Variants in CALN1 observed in about 807,000 individuals in gnomAD.
CALN1 encodes the protein calneuron 1, also known as calcium-binding protein 8.
Under a neutral mutation model 30.6 loss-of-function variants are expected in CALN1, and 17 were observed. That is an observed-to-expected ratio of 0.56 (90% CI 0.38 to 0.83). CALN1 has a LOEUF of 0.83. Among genes scored for constraint, CALN1 ranks in the 40% least tolerant of loss-of-function variants. CALN1 has a pLI of 0.00. For missense variants in CALN1, 291 were observed against 354.9 expected (o/e 0.82, Z 1.45); for synonymous variants, 156 against 131.4 (o/e 1.19, Z -1.28).
At chr7:71,843,798 C>T (rs190868236) in intron 5 of CALN1, among the ~76,000 whole-genome samples, 67 of 152,280 alleles carry the variant, frequency 4.4e-4, no homozygotes, top group Admixed American at 2.0e-3. Context: ...ATGCCAGCAG[C>T]CACAAGCCCT....
chr7:72,121,744 T>C (rs1808405787), intron 3 of CALN1, among the ~76,000 whole-genome samples: 1 of 148,626 alleles, frequency 6.7e-6, no homozygotes, highest in South Asian at 2.1e-4. Flanking sequence ...ATGTTTTGAT[T>C]ACTATAAAGG....
chr7:72,083,686 C>T (rs11772542), intron 4 of CALN1, among the ~76,000 whole-genome samples: 33,874 of 152,002 alleles, frequency 0.22, 3,901 homozygotes, highest in Admixed American at 0.28. Context: ...TTTGGGAGGC[C>T]GAGGCAGGCA....
At chr7:72,093,405 A>G (rs906375336) in intron 4 of CALN1, among the ~76,000 whole-genome samples, 2 of 152,206 alleles carry the variant, frequency 1.3e-5, no homozygotes, top group African/African-American at 4.8e-5. Context: ...GGGAGAAAAC[A>G]AACTTCCCAA....
rs776937897 is a variant in CALN1 at position 71,857,016 on chromosome 7, A to ATGTGTGTATG, written c.502-46525_502-46524insCATACACACA. ...AGACAACCTCATGGTGTGTATATGTATGTGTGTGTGTGTGTGTGTGTGTGT... is the reference window on the plus strand; with the variant it reads ...AGACAACCTCATGGTGTGTATATGTATGTGTGTATGTGTGTGTGTGTGTGTGTGTGTGTGT... On this transcript the variant is annotated intron_variant, in intron 5 of 6. Coordinates refer to ENST00000395275, the MANE Select transcript of CALN1 (RefSeq NM_031468.4). 1.7e-3 allele frequency among the ~76,000 whole-genome samples: 242 copies of ATGTGTGTATG among 142,318 alleles called. 1 individual carries two copies. Among genetic ancestry groups the ATGTGTGTATG allele is most frequent in the Middle Eastern group, 3.6e-3 (1 of 278 alleles). 93.4% of individuals were successfully genotyped at this position (142,318 alleles called of 152,430 possible).
intron 4 of CALN1, among the ~76,000 whole-genome samples, chr7:72,091,130 G>C (rs1019419501): frequency 4.6e-5 from 7 of 152,028 alleles, no homozygotes; most frequent in Non-Finnish European, 1.5e-5. Flanking sequence ...GGAATTTGAG[G>C]CCAGACTGGC....
chr7:72,404,818 G>A (rs1456052119), intron 1 of CALN1, among the ~76,000 whole-genome samples: 1 of 152,194 alleles, frequency 6.6e-6, no homozygotes, highest in Non-Finnish European at 1.5e-5. Context: ...GGACATTATT[G>A]TTGCAGGTTG....
At position 72,441,326 on chromosome 7, in the gene CALN1, G is replaced by A. The variant is rs146635041; in HGVS notation, c.-226+5716C>T. On this transcript the variant is annotated intron_variant, in intron 1 of 6. Coordinates refer to the CALN1 transcript ENST00000395276. ...AATTGGGAGAATGAGGGCCAGGCAC[G>A]GTGACTCATGCCTGTAATCCCAGCA... Among the ~76,000 whole-genome samples, 5 of 151,844 alleles carry A rather than the reference G, an allele frequency of 3.3e-5. No individual in the cohort carries two copies. The East Asian group carries it at 9.7e-4, about 29-fold the overall frequency.
rs138515716 is a variant in CALN1, at chr7:72,322,849, G to A, written c.120-44039C>T. On this transcript the variant is annotated intron_variant, in intron 2 of 6. Coordinates refer to ENST00000395275, the MANE Select transcript of CALN1 (RefSeq NM_031468.4). The stretch of plus-strand genomic sequence containing the variant: ...CAAGGGATAAACGTTTGAGGGGATG[G>A]ATATACCCCACTTACCCTGACATCA... Among the ~76,000 whole-genome samples the A allele has an allele frequency of 2.1e-3, 312 of 149,518 alleles. 1 individual carries two copies. Among genetic ancestry groups the A allele is most frequent in the African/African-American group, 6.8e-3 (278 of 40,594 alleles).
intron 6 of CALN1, among the ~76,000 whole-genome samples, chr7:71,809,170 C>T (rs1212395865): frequency 6.6e-6 from 1 of 152,146 alleles, no homozygotes; most frequent in African/African-American, 2.4e-5. Flanking sequence ...CCACTACTCC[C>T]TCTCTCCCAC....
intron 5 of CALN1, among the ~76,000 whole-genome samples, chr7:71,836,820 G>A (rs1375612708): frequency 9.2e-5 from 14 of 151,514 alleles, no homozygotes. Context: ...GTTTCACTAT[G>A]TTGGCCAGGT....
intron 2 of CALN1, among the ~76,000 whole-genome samples, chr7:72,351,054 T>C (rs1186156127): frequency 1.3e-5 from 2 of 152,082 alleles, no homozygotes; most frequent in Non-Finnish European, 2.9e-5. Flanking sequence ...AGCAGGAGAA[T>C]CACTGGAACC....
rs1392407676 is a variant in CALN1, at chr7:72,077,131, C to T, written c.388+29020G>A. 2.0e-5 allele frequency among the ~76,000 whole-genome samples: 3 copies of T among 152,176 alleles called. No individual in the cohort carries two copies. The East Asian group carries it at 5.8e-4, about 29-fold the overall frequency. ...GGTATGGTAGTTCTGACCGTTACAC[C>T]TTCTATGCATGTAACAAAACATCAC... On this transcript the variant is annotated intron_variant, in intron 4 of 6. Coordinates refer to ENST00000395275, the MANE Select transcript of CALN1 (RefSeq NM_031468.4).
At chr7:72,021,676 T>C (rs767969391) in intron 5 of CALN1, among the ~76,000 whole-genome samples, 1 of 152,192 alleles carries the variant, frequency 6.6e-6, no homozygotes, top group Non-Finnish European at 1.5e-5. Context: ...GGATGTCCTC[T>C]GGGACCAGGT....
the CALN1 span, among the ~76,000 whole-genome samples, chr7:72,459,323 C>T: frequency 1.3e-5 from 2 of 152,132 alleles, no homozygotes; most frequent in African/African-American, 4.8e-5. Context: ...CACTAATGGC[C>T]TGTAATCAAG....
chr7:72,143,904 A>G (rs1423847581), intron 3 of CALN1, among the ~76,000 whole-genome samples: 1 of 152,292 alleles, frequency 6.6e-6, no homozygotes, highest in African/African-American at 2.4e-5. Flanking sequence ...GAAATAAAAT[A>G]CTTTACAGAC....
intron 4 of CALN1, among the ~76,000 whole-genome samples, chr7:72,034,082 G>A (rs1372428831): frequency 1.3e-5 from 2 of 152,080 alleles, no homozygotes; most frequent in African/African-American, 2.4e-5. Context: ...GGCCAGGTGC[G>A]GTGGCTCACG....
chr7:72,366,964 T>C (rs1803913350), intron 2 of CALN1, among the ~76,000 whole-genome samples: 1 of 152,036 alleles, frequency 6.6e-6, no homozygotes, highest in Non-Finnish European at 1.5e-5. Flanking sequence ...TTATGATATA[T>C]TTACACAAAG....
chr7:72,343,708 A>G (rs1397781019), intron 2 of CALN1, among the ~76,000 whole-genome samples: 1 of 152,176 alleles, frequency 6.6e-6, no homozygotes, highest in Non-Finnish European at 1.5e-5. Flanking sequence ...AGAAGAAGCT[A>G]TTCCAGTTTT....
intron 3 of CALN1, among the ~76,000 whole-genome samples, chr7:72,156,050 T>C (rs1787657055): frequency 6.6e-6 from 1 of 152,120 alleles, no homozygotes; most frequent in Non-Finnish European, 1.5e-5. Context: ...CCATAGAAGG[T>C]AACATATTCA....
Sources: allele counts gnomAD v4.1 joint callset (sites outside exome capture counted in the v4.1 genomes callset), GRCh38; gene constraint gnomAD v4.1.1; transcripts MANE v1.5; gene names NCBI Gene and HGNC (gene_info 2026-07-23, HGNC 2026-07-21).